TBCEL: variants seen among roughly 807,000 people sequenced by gnomAD.
TBCEL encodes the protein tubulin folding cofactor E like, also known as tubulin-specific chaperone cofactor E-like protein.
Under a neutral mutation model 44.2 loss-of-function variants are expected in TBCEL, and 15 were observed. That is an observed-to-expected ratio of 0.34 (90% CI 0.23 to 0.52). The LOEUF (loss-of-function observed/expected upper bound fraction) is 0.52, where lower values mean the gene tolerates loss of function less well. Ranked by LOEUF, TBCEL falls within the 20% of genes least tolerant of loss-of-function variation. The probability of loss-of-function intolerance (pLI) is 0.95; values close to 1 mark genes in which losing one functional copy is unlikely to be tolerated. For missense variants in TBCEL, 319 were observed against 506.3 expected (o/e 0.63, Z 3.55); for synonymous variants, 171 against 185.4 (o/e 0.92, Z 0.63).
rs777187109 is a variant in TBCEL, at chr11:121,058,480, T to C, written c.839+9T>C. On this transcript the variant is annotated intron_variant, in intron 7 of 8. Transcript: ENST00000683345. ...AAATTGGTAATAGCCAGGTCTGTTG[T>C]CCTGATCGTTTTGCTTTATTTTTGT... The C allele has an allele frequency of 6.2e-7, 1 of 1,610,900 alleles. No individual in the cohort carries two copies. The highest frequency in any genetic ancestry group is 8.5e-7 in the Non-Finnish European group (1 of 1,177,692).
chr11:121,028,605 A>T (rs1462173972), intron 1 of TBCEL, among the ~76,000 whole-genome samples: 1 of 152,244 alleles, frequency 6.6e-6, no homozygotes, highest in African/African-American at 2.4e-5. Context: ...AAGTGAGATA[A>T]TACATATAAA....
At chr11:121,065,599 G>T (rs1308279392) in intron 8 of TBCEL, among the ~76,000 whole-genome samples, 2 of 152,164 alleles carry the variant, frequency 1.3e-5, no homozygotes, top group African/African-American at 2.4e-5. Context: ...AGAGAAAAAA[G>T]ATCATTTTAT....
intron 8 of TBCEL, among the ~76,000 whole-genome samples, chr11:121,080,161 A>G (rs1946100065): frequency 6.6e-6 from 1 of 152,170 alleles, no homozygotes; most frequent in Non-Finnish European, 1.5e-5. Flanking sequence ...TGGTTTAACC[A>G]AGTGAACCAT....
intron 8 of TBCEL, among the ~76,000 whole-genome samples, chr11:121,064,324 G>C (rs1302266828): frequency 6.6e-6 from 1 of 152,174 alleles, no homozygotes; most frequent in Non-Finnish European, 1.5e-5. Context: ...AGTTAAATGG[G>C]AATATGATAA....
intron 8 of TBCEL, among the ~76,000 whole-genome samples, chr11:121,063,441 T>C (rs1945762267): frequency 1.3e-5 from 2 of 152,234 alleles, no homozygotes; most frequent in East Asian, 1.9e-4. Context: ...CTAAATCTTA[T>C]GAATTGCTGC....
At chr11:121,035,302 C>G (rs1398538725) in intron 1 of TBCEL, 1 of 152,034 alleles carries the variant, frequency 6.6e-6, no homozygotes, top group Non-Finnish European at 1.5e-5. Flanking sequence ...GAGGGGTAGA[C>G]TTAGAGAACT....
intron 6 of TBCEL, among the ~76,000 whole-genome samples, chr11:121,056,265 G>A (rs1945619070): frequency 6.6e-6 from 1 of 151,750 alleles, no homozygotes; most frequent in South Asian, 2.1e-4. Context: ...CTTTCACTTA[G>A]GAATATGCCT....
intron 8 of TBCEL, among the ~76,000 whole-genome samples, chr11:121,079,279 G>A (rs1946083514): frequency 6.6e-6 from 1 of 152,164 alleles, no homozygotes; most frequent in Admixed American, 6.5e-5. Flanking sequence ...GAGAGCCCAG[G>A]AGTGAATTTT....
At chr11:121,084,710 A>G (rs1946185145) in intron 8 of TBCEL, among the ~76,000 whole-genome samples, 1 of 152,140 alleles carries the variant, frequency 6.6e-6, no homozygotes, top group Non-Finnish European at 1.5e-5. Context: ...TCTGAAGGTA[A>G]AACATCTCTA....
chr11:121,081,851 G>A (rs1381486487), intron 8 of TBCEL, among the ~76,000 whole-genome samples: 1 of 152,084 alleles, frequency 6.6e-6, no homozygotes, highest in East Asian at 1.9e-4. Context: ...TGTATGTATA[G>A]TAAATCACAA....
rs1945234408 is a variant in TBCEL at position 121,036,522 on chromosome 11, G to T, written c.-108G>T. The T allele has an allele frequency of 6.6e-6, 1 of 152,150 alleles. No individual in the cohort carries two copies. Among genetic ancestry groups the T allele is most frequent in the Admixed American group, 6.5e-5 (1 of 15,278 alleles). The allele number at this position is 152,150 out of a possible 1,614,324, so 9.4% of individuals were successfully genotyped here. On this transcript the variant is annotated 5_prime_UTR_variant, in exon 2 of 9. Transcript: ENST00000683345. Reference sequence around the variant, plus strand: ...TATTTCAGAATGTCTAATTTAATAGGGATATAGACAGTTGGTTTAAACCAA... The same window carrying T: ...TATTTCAGAATGTCTAATTTAATAGTGATATAGACAGTTGGTTTAAACCAA...
intron 8 of TBCEL, among the ~76,000 whole-genome samples, chr11:121,066,927 C>A (rs1323298687): frequency 1.3e-5 from 2 of 152,130 alleles, no homozygotes; most frequent in African/African-American, 2.4e-5. Flanking sequence ...GAAAAACATT[C>A]TTTTTCATTT....
intron 8 of TBCEL, among the ~76,000 whole-genome samples, chr11:121,078,518 G>T (rs1160833223): frequency 6.6e-6 from 1 of 152,194 alleles, no homozygotes; most frequent in Admixed American, 6.5e-5. Context: ...TCAGTTCCTG[G>T]TGGTGGAGCT....
rs114544375 is a variant in TBCEL, at chr11:121,068,209, A to T, written c.956+8124A>T. ...GATGTTTAAACCTAGTGTGTCCAAA[A>T]CTCAACTTTCGATACCCTCCCTTTT... On this transcript the variant is annotated intron_variant, in intron 8 of 8. Transcript: ENST00000683345. Among the ~76,000 whole-genome samples the T allele has an allele frequency of 5.2e-3, 785 of 151,754 alleles. 5 individuals are homozygous for T. Among genetic ancestry groups the T allele is most frequent in the African/African-American group, 0.017 (721 of 41,340 alleles).
intron 1 of TBCEL, among the ~76,000 whole-genome samples, chr11:121,027,939 G>C (rs1181616568): frequency 6.6e-6 from 1 of 152,162 alleles, no homozygotes; most frequent in Non-Finnish European, 1.5e-5. Context: ...AGGCATTGTG[G>C]CTCACACCTG....
intron 8 of TBCEL, among the ~76,000 whole-genome samples, chr11:121,084,464 C>CT (rs1381330736): frequency 6.6e-6 from 1 of 152,130 alleles, no homozygotes; most frequent in East Asian, 1.9e-4. Context: ...AGTTCTGCCT[C>CT]TGTCTTTTAC....
intron 4 of TBCEL, among the ~76,000 whole-genome samples, chr11:121,051,238 G>T (rs1199196840): frequency 6.6e-6 from 1 of 151,668 alleles, no homozygotes; most frequent in Non-Finnish European, 1.5e-5. Flanking sequence ...GCAGACCATG[G>T]TGATTACATC....
At chr11:121,076,716 T>C (rs1017178324) in intron 8 of TBCEL, among the ~76,000 whole-genome samples, 1 of 152,044 alleles carries the variant, frequency 6.6e-6, no homozygotes, top group East Asian at 1.9e-4. Context: ...GGAGTAGTCA[T>C]GGCAAACACC....
intron 8 of TBCEL, among the ~76,000 whole-genome samples, chr11:121,078,784 A>C (rs1008924704): frequency 3.9e-5 from 6 of 152,104 alleles, no homozygotes; most frequent in Admixed American, 3.9e-4. Context: ...GAGGTCTTGT[A>C]GTTTTAGTTC....
Sources: gnomAD v4.1 joint callset for allele counts (sites outside exome capture counted in the v4.1 genomes callset) on GRCh38, gnomAD v4.1.1 for gene constraint, MANE v1.5 for transcripts, NCBI Gene and HGNC (gene_info 2026-07-23, HGNC 2026-07-21) for gene names.